Variants in ILRUN observed in about 807,000 individuals in gnomAD.
ILRUN encodes protein ILRUN.
A neutral mutation model predicts 33.8 loss-of-function variants in ILRUN; 3 were observed. The ratio of observed to expected loss-of-function variants is 0.09; its 90% CI spans 0.04 to 0.23. ILRUN has a LOEUF of 0.23. Ranked by LOEUF, ILRUN falls within the 10% of genes least tolerant of loss-of-function variation. The pLI is 1.00. For synonymous variants in ILRUN, 124 were observed against 138.9 expected, an observed-to-expected ratio of 0.89 and a Z score of 0.75; for missense variants, 210 against 375.1, an observed-to-expected ratio of 0.56 and a Z score of 3.64.
chr6:34,625,125 T>C (rs945632268), intron 3 of ILRUN, among the ~76,000 whole-genome samples: 3 of 152,092 alleles, frequency 2.0e-5, no homozygotes, highest in African/African-American at 7.2e-5. Flanking sequence ...GAAGTCGGAG[T>C]TGAATATAGC....
intron 4 of ILRUN, among the ~76,000 whole-genome samples, chr6:34,591,505 T>C (rs1761292558): frequency 6.6e-6 from 1 of 151,598 alleles, no homozygotes; most frequent in Admixed American, 6.6e-5. Context: ...CTCAATTTTT[T>C]TTTTTTTTTT....
At chr6:34,689,023 T>C (rs756007196) in intron 1 of ILRUN, among the ~76,000 whole-genome samples, 17 of 152,074 alleles carry the variant, frequency 1.1e-4, no homozygotes, top group Non-Finnish European at 2.2e-4. Flanking sequence ...AGACTGCTGG[T>C]TGCCAATGGC....
At chr6:34,639,685 C>T (rs1449071391) in intron 3 of ILRUN, among the ~76,000 whole-genome samples, 1 of 152,184 alleles carries the variant, frequency 6.6e-6, no homozygotes, top group African/African-American at 2.4e-5. Context: ...CCATATACTC[C>T]ACCCTCACTA....
intron 1 of ILRUN, among the ~76,000 whole-genome samples, chr6:34,688,630 T>G (rs964123697): frequency 2.6e-5 from 4 of 152,010 alleles, no homozygotes; most frequent in Non-Finnish European, 4.4e-5. Context: ...CTGGCCAACA[T>G]GGCAAAACCC....
chr6:34,688,857 A>G (rs1049994679), intron 1 of ILRUN, among the ~76,000 whole-genome samples: 15 of 152,100 alleles, frequency 9.9e-5, no homozygotes, highest in African/African-American at 3.4e-4. Flanking sequence ...TATCCACGGG[A>G]GGCTGAGGCA....
intron 1 of ILRUN, among the ~76,000 whole-genome samples, chr6:34,691,009 C>T (rs1763639037): frequency 6.6e-6 from 1 of 152,032 alleles, no homozygotes; most frequent in East Asian, 1.9e-4. Flanking sequence ...CTCAGCCTCC[C>T]CAGTAGCTGG....
intron 1 of ILRUN, among the ~76,000 whole-genome samples, chr6:34,665,288 T>C (rs1050486375): frequency 2.5e-5 from 3 of 118,128 alleles, no homozygotes; most frequent in Non-Finnish European, 5.0e-5. Flanking sequence ...AGACCCCTTT[T>C]CTACAAAAAA....
chr6:34,588,559 C>T lies in ILRUN; in HGVS notation c.*2006G>A, dbSNP rs920073022. ...CAGCAGCAGTCTGGGCCTAATGAGG[C>T]CCTCAGACAAAAAGCCATCCTGAGG... On this transcript the variant is annotated 3_prime_UTR_variant, in exon 5 of 5. Transcript: ENST00000374023. The T allele has an allele frequency of 2.6e-5, 6 of 231,758 alleles. No homozygotes were observed. The allele number at this position is 231,758 out of a possible 1,614,324, so 14.4% of individuals were successfully genotyped here.
chr6:34,678,847 AAAAAAAAAAAAAG>A (rs1215544400), intron 1 of ILRUN, among the ~76,000 whole-genome samples: 27 of 150,012 alleles, frequency 1.8e-4, no homozygotes, highest in Admixed American at 1.6e-3. Context: ...AAAAAAAAAA[AAAAAAAAAAAAAG>A]AAAGAAAGAA....
At chr6:34,679,419 A>G (rs2127383088) in intron 1 of ILRUN, among the ~76,000 whole-genome samples, 2 of 152,322 alleles carry the variant, frequency 1.3e-5, no homozygotes, top group East Asian at 3.9e-4. Flanking sequence ...ATAAATTGTA[A>G]GGAAACAGGG....
At chr6:34,658,628 GA>G (rs1762826162) in intron 1 of ILRUN, among the ~76,000 whole-genome samples, 1 of 151,812 alleles carries the variant, frequency 6.6e-6, no homozygotes, top group African/African-American at 2.4e-5. Flanking sequence ...CCAACATGGG[GA>G]AACCTTGTCT....
At chr6:34,673,642 TGAGCTCAG>T (rs1763160676) in intron 1 of ILRUN, among the ~76,000 whole-genome samples, 1 of 152,114 alleles carries the variant, frequency 6.6e-6, no homozygotes, top group African/African-American at 2.4e-5. Flanking sequence ...AAGGATGGCT[TGAGCTCAG>T]GAGTTCAAAA....
At chr6:34,680,846 G>C (rs186048904) in intron 1 of ILRUN, among the ~76,000 whole-genome samples, 19 of 151,202 alleles carry the variant, frequency 1.3e-4, no homozygotes, top group East Asian at 5.8e-4. Flanking sequence ...ATTTTAAAAG[G>C]CTTTAGAACA....
intron 1 of ILRUN, among the ~76,000 whole-genome samples, chr6:34,674,063 T>A (rs568094238): frequency 2.6e-5 from 4 of 152,194 alleles, no homozygotes. Flanking sequence ...AGTCTTGCTC[T>A]GTCACCCACG....
Position 34,624,495 on chromosome 6 carries a change from G to GT in ILRUN, c.512-17592dup, listed in dbSNP as rs981593629. 1.9e-4 allele frequency among the ~76,000 whole-genome samples: 28 copies of GT among 150,648 alleles called. 1 individual carries two copies. The highest frequency in any genetic ancestry group is 6.9e-3 in the Middle Eastern group (2 of 290). On this transcript the variant is annotated intron_variant, in intron 3 of 4. Coordinates refer to ENST00000374023, the MANE Select transcript of ILRUN (RefSeq NM_024294.4). ...TGCACCACCACACCTGGCTAATTTT[G>GT]TTTTTTTGTTTTTTTTTTAGTAAAG...
chr6:34,633,875 G>GAGAGGGAC (rs1491298199), intron 3 of ILRUN, among the ~76,000 whole-genome samples: 1 of 90,822 alleles, frequency 1.1e-5, no homozygotes, highest in Non-Finnish European at 2.1e-5. Flanking sequence ...GAGACATGGA[G>GAGAGGGAC]GGAGAGAGGG....
chr6:34,653,147 A>G (rs903116265), intron 2 of ILRUN, among the ~76,000 whole-genome samples: 15 of 145,810 alleles, frequency 1.0e-4, no homozygotes, highest in East Asian at 3.9e-4. Flanking sequence ...AAAAAAAAAA[A>G]AAAAGAAAAA....
intron 3 of ILRUN, among the ~76,000 whole-genome samples, chr6:34,634,309 T>A (rs1053712916): frequency 1.3e-5 from 2 of 151,772 alleles, no homozygotes; most frequent in Admixed American, 6.6e-5. Context: ...TAAAAAAAAA[T>A]ACATTTCAGA....
intron 4 of ILRUN, among the ~76,000 whole-genome samples, chr6:34,600,579 T>A (rs912068074): frequency 6.6e-6 from 1 of 152,194 alleles, no homozygotes; most frequent in African/African-American, 2.4e-5. Flanking sequence ...TTTGTGTGTG[T>A]GACATCAAAA....
Sources: gnomAD v4.1 joint callset for allele counts (sites outside exome capture counted in the v4.1 genomes callset) on GRCh38, gnomAD v4.1.1 for gene constraint, MANE v1.5 for transcripts, NCBI Gene and HGNC (gene_info 2026-07-23, HGNC 2026-07-21) for gene names.